The following PCNX2 variants were observed in gnomAD, a reference collection of about 807,000 sequenced individuals.
The protein encoded by PCNX2 is pecanex-like protein 2.
Under a neutral mutation model 223.8 loss-of-function variants are expected in PCNX2, and 168 were observed. The observed-to-expected ratio is 0.75, with a 90% CI of 0.66 to 0.85. The LOEUF (loss-of-function observed/expected upper bound fraction) is 0.85, where lower values mean the gene tolerates loss of function less well. Among genes scored for constraint, PCNX2 ranks in the 40% least tolerant of loss-of-function variants. PCNX2 has a pLI of 0.00. For missense variants in PCNX2, 2,507 were observed against 2,675.5 expected (o/e 0.94, Z 1.39); for synonymous variants, 1,006 against 1,052.6 (o/e 0.96, Z 0.86).
intron 21 of PCNX2, among the ~76,000 whole-genome samples, chr1:233,131,226 G>A: frequency 6.6e-6 from 1 of 152,058 alleles, no homozygotes; most frequent in Non-Finnish European, 1.5e-5. Context: ...GTGGTCAGAG[G>A]ACAAGACCTG....
chr1:233,159,633 G>A (rs1342665046), intron 19 of PCNX2, among the ~76,000 whole-genome samples: 2 of 152,164 alleles, frequency 1.3e-5, no homozygotes, highest in Non-Finnish European at 2.9e-5. Context: ...GGGAATTACA[G>A]AGCAAGGAAA....
the PCNX2 span, among the ~76,000 whole-genome samples, chr1:233,323,719 T>C: frequency 6.5e-3 from 983 of 152,306 alleles, 12 homozygotes; most frequent in African/African-American, 0.023. Flanking sequence ...TGACTGGCTA[T>C]TCCCTGTCCC....
chr1:233,112,721 A>T, intron 21 of PCNX2: 4 of 703,178 alleles, frequency 5.7e-6, no homozygotes, highest in South Asian at 3.2e-5. Flanking sequence ...GAACAATATA[A>T]CTAAATTCAC....
intron 9 of PCNX2, among the ~76,000 whole-genome samples, chr1:233,234,476 C>T (rs1658266880): frequency 2.0e-5 from 3 of 152,072 alleles, no homozygotes; most frequent in Admixed American, 1.3e-4. Context: ...AACAATAAAA[C>T]GCTACAGATG....
chr1:233,327,319 C>G, the PCNX2 span, among the ~76,000 whole-genome samples: 1 of 151,552 alleles, frequency 6.6e-6, no homozygotes, highest in African/African-American at 2.4e-5. Context: ...CACCATTGCT[C>G]CGGAGCACCT....
At chr1:233,050,701 TA>T (rs1171701346) in intron 25 of PCNX2, among the ~76,000 whole-genome samples, 2 of 152,190 alleles carry the variant, frequency 1.3e-5, no homozygotes, top group African/African-American at 4.8e-5. Context: ...ATTAAAGATT[TA>T]AATGTAAGAC....
intron 1 of PCNX2, among the ~76,000 whole-genome samples, chr1:233,293,771 C>T (rs535385197): frequency 1.9e-4 from 29 of 152,290 alleles, no homozygotes; most frequent in South Asian, 6.2e-4. Flanking sequence ...AAGGGAGGTA[C>T]TGTAATTATC....
intron 21 of PCNX2, among the ~76,000 whole-genome samples, chr1:233,130,463 TTTTGTGTGTG>T (rs1558262638): frequency 2.3e-5 from 2 of 86,162 alleles, no homozygotes; most frequent in South Asian, 5.0e-4. Context: ...GCCCCCCAAC[TTTTGTGTGTG>T]TGTGTGTGTG....
intron 26 of PCNX2, among the ~76,000 whole-genome samples, chr1:233,017,486 T>G (rs1670722209): frequency 6.6e-6 from 1 of 151,888 alleles, no homozygotes; most frequent in South Asian, 2.1e-4. Context: ...CCCAGCTAAT[T>G]TTTTCTATTT....
rs947461249 is a variant in PCNX2, at chr1:233,031,631, A to G, written c.4352-6232T>C. On this transcript the variant is annotated intron_variant, in intron 25 of 33. Transcript: ENST00000258229. ...ATGCACATTCAGAGCTATTAGGATA[A>G]CAGTCTATGAAATAGGAGTCCAGGT... 8 of 478,604 alleles carry G rather than the reference A, an allele frequency of 1.7e-5. No homozygotes were observed. The African/African-American group carries it at 1.7e-4, about 10-fold the overall frequency. 29.6% of individuals were successfully genotyped at this position (478,604 alleles called of 1,614,324 possible). A position where few individuals can be genotyped will look rare whatever the true frequency, so the allele number is the denominator to read the frequency against.
At chr1:233,169,045 T>C (rs908567502) in intron 17 of PCNX2, among the ~76,000 whole-genome samples, 8 of 152,306 alleles carry the variant, frequency 5.3e-5, no homozygotes, top group Middle Eastern at 3.4e-3. Context: ...TACAATTATA[T>C]ACAAATGATA....
Position 233,139,710 on chromosome 1 carries a change from T to G in PCNX2, c.3659+4A>C, listed in dbSNP as rs779283614. ...ATTATGAAGATAAACCATTAACCAC[T>G]TACTGGGTACCAAGTCTCCGGTGAT... On this transcript the variant is annotated splice_donor_region_variant and intron_variant, in intron 20 of 33. Transcript: ENST00000258229. The surrounding 1 kb of genome is among the most constrained non-coding windows in gnomAD (Gnocchi z 4.4). 1.9e-6 allele frequency: 3 copies of G among 1,594,074 alleles called. No homozygotes were observed. The highest frequency in any genetic ancestry group is 2.6e-6 in the Non-Finnish European group (3 of 1,169,566).
chr1:233,261,176 A>T, intron 4 of PCNX2, 109 bp downstream of exon 4: 1 of 988,702 alleles, frequency 1.0e-6, no homozygotes, highest in Non-Finnish European at 1.6e-6. Flanking sequence ...ATGCAGTCTT[A>T]GGTATAGTTC....
At chr1:233,261,369 T>C in intron 3 of PCNX2, 48 bp from the exon 4 acceptor site, 1 of 1,575,250 alleles carries the variant, frequency 6.3e-7, no homozygotes, top group Non-Finnish European at 8.7e-7. Context: ...CAGCTGACCG[T>C]CCATTTCCAG....
In PCNX2 at chr1:233,135,149, A is replaced by C; in HGVS notation, c.3701T>G (p.Leu1234Trp). ...AACCGGGTTGCAGAATGATGTCCGC[A>C]ACAGCTTCATGCCAGCAATGATCAT... ...FLMIIAGMKLLRTSFCNPVYQ... is the reference protein window; with the variant it reads ...FLMIIAGMKLWRTSFCNPVYQ... The change falls in exon 21 of 34, where the codon TTG (leucine) becomes TGG (tryptophan). Residue 1234 changes from leucine to tryptophan, a missense_variant. Around this residue, in one of 3 missense-constraint regions of PCNX2, gnomAD observed 1,372 missense variants for 1,509.4 expected, o/e 0.91. Transcript: ENST00000258229. 6.2e-7 allele frequency: 1 copy of C among 1,613,924 alleles called. No individual in the cohort carries two copies. Among genetic ancestry groups the C allele is most frequent in the Non-Finnish European group, 8.5e-7 (1 of 1,179,854 alleles).
chr1:233,293,767 GGTACTGT>G (rs1450811902), intron 1 of PCNX2, among the ~76,000 whole-genome samples: 9 of 152,176 alleles, frequency 5.9e-5, no homozygotes, highest in African/African-American at 2.2e-4. Context: ...CTATAAGGGA[GGTACTGT>G]AATTATCCCT....
At chr1:232,989,602 T>C (rs1433499926) in intron 32 of PCNX2, among the ~76,000 whole-genome samples, 2 of 152,170 alleles carry the variant, frequency 1.3e-5, no homozygotes, top group Non-Finnish European at 2.9e-5. Context: ...TGATGCACGG[T>C]CCTCTCCACT....
At chr1:233,283,256 A>G (rs1022773605) in intron 1 of PCNX2, among the ~76,000 whole-genome samples, 1 of 152,208 alleles carries the variant, frequency 6.6e-6, no homozygotes, top group Non-Finnish European at 1.5e-5. Flanking sequence ...AATAAACTTT[A>G]ATTGATTATT....
intron 21 of PCNX2, among the ~76,000 whole-genome samples, chr1:233,104,811 T>A (rs1159360380): frequency 2.6e-5 from 4 of 152,118 alleles, no homozygotes; most frequent in Non-Finnish European, 4.4e-5. Context: ...ATGCACAGTT[T>A]TACAATTAAA....
Sources: gnomAD v4.1 joint callset for allele counts (sites outside exome capture counted in the v4.1 genomes callset) on GRCh38, gnomAD v4.1.1 for gene constraint, gnomAD v4.1.1 regional missense constraint, Gnocchi (gnomAD v3.1) non-coding constraint, MANE v1.5 for transcripts, NCBI Gene and HGNC (gene_info 2026-07-23, HGNC 2026-07-21) for gene names.